Variants in DGKG observed in about 807,000 individuals in gnomAD.
DGKG encodes DAG kinase gamma.
Under a neutral mutation model 105.3 loss-of-function variants are expected in DGKG, and 78 were observed. The ratio of observed to expected loss-of-function variants is 0.74; its 90% CI spans 0.62 to 0.89. The LOEUF is 0.89. Among genes scored for constraint, DGKG ranks in the 40% least tolerant of loss-of-function variants. DGKG has a pLI of 0.00. For synonymous variants in DGKG, 346 were observed against 367.1 expected (o/e 0.94, Z 0.66); for missense variants, 958 against 1,020.1 (o/e 0.94, Z 0.83).
chr3:186,214,043 G>T (rs1356648763), intron 20 of DGKG, among the ~76,000 whole-genome samples: 1 of 152,200 alleles, frequency 6.6e-6, no homozygotes, highest in African/African-American at 2.4e-5. Context: ...AAATATCACT[G>T]CTGGCCTGAA....
At chr3:186,248,988 T>G (rs1244619148) in intron 19 of DGKG, among the ~76,000 whole-genome samples, 2 of 152,222 alleles carry the variant, frequency 1.3e-5, no homozygotes, top group African/African-American at 4.8e-5. Context: ...TTTTTTTAAC[T>G]GTAATGATGG....
chr3:186,268,563 C>G (rs1722165895), intron 12 of DGKG, among the ~76,000 whole-genome samples: 1 of 152,212 alleles, frequency 6.6e-6, no homozygotes. Context: ...GTGGACTGGC[C>G]AGCTTCTTCT....
intron 19 of DGKG, among the ~76,000 whole-genome samples, chr3:186,249,285 C>A (rs1721093360): frequency 6.6e-6 from 1 of 152,158 alleles, no homozygotes; most frequent in South Asian, 2.1e-4. Flanking sequence ...CACCTCCACC[C>A]TCTCAGAACC....
At chr3:186,312,683 G>A (rs184994517) in intron 2 of DGKG, among the ~76,000 whole-genome samples, 25 of 152,342 alleles carry the variant, frequency 1.6e-4, no homozygotes, top group Non-Finnish European at 3.2e-4. Flanking sequence ...AGGCTGGGAT[G>A]TAAGAATACA....
chr3:186,190,645 G>C (rs139263053), intron 21 of DGKG, among the ~76,000 whole-genome samples: 1 of 151,930 alleles, frequency 6.6e-6, no homozygotes, highest in African/African-American at 2.4e-5. Context: ...CCAGTTCTTC[G>C]CCATTCTGAA....
chr3:186,227,868 C>T lies in DGKG; in HGVS notation c.1826+14636G>A, dbSNP rs984892302. Among the ~76,000 whole-genome samples the T allele has an allele frequency of 3.3e-5, 5 of 152,270 alleles. No homozygotes were observed. The South Asian group carries it at 6.2e-4, about 19-fold the overall frequency. On this transcript the variant is annotated intron_variant, in intron 20 of 24. Coordinates refer to ENST00000265022, the MANE Select transcript of DGKG (RefSeq NM_001346.3). ...CATCAGCCGTAAATACAGATACAGACTCTGTTGTATCACCAAAATACCCTT... is the reference window on the plus strand; with the variant it reads ...CATCAGCCGTAAATACAGATACAGATTCTGTTGTATCACCAAAATACCCTT...
Position 186,313,505 on chromosome 3 carries a change from G to A in DGKG, c.68-6528C>T, listed in dbSNP as rs145797023. On this transcript the variant is annotated intron_variant, in intron 2 of 24. Coordinates refer to ENST00000265022, the MANE Select transcript of DGKG (RefSeq NM_001346.3). ...TCCAAATAATTTGGCTTCATCAGTC[G>A]TATTTCAAGTGAAGGTGGAGGAATG... 6.2e-4 allele frequency: 615 copies of A among 985,246 alleles called. 1 individual carries two copies. The African/African-American group carries it at 9.6e-3, about 15-fold the overall frequency. 61.0% of individuals were successfully genotyped at this position (985,246 alleles called of 1,614,324 possible).
chr3:186,267,767 T>C lies in DGKG; in HGVS notation c.1127A>G (p.Lys376Arg). 1 of 1,613,744 alleles carries C rather than the reference T, an allele frequency of 6.2e-7. No individual in the cohort carries two copies. The highest frequency in any genetic ancestry group is 1.1e-5 in the South Asian group (1 of 91,060). The change falls in exon 13 of 25, where the codon AAA becomes AGA. Residue 376 changes from lysine (K) to arginine (R), a missense_variant. Physicochemically the swap from Lys to Arg is conservative, Grantham distance 26. This residue lies in a region of DGKG where 643 missense variants were observed against 619.5 expected (regional missense o/e 1.04). Transcript: ENST00000265022. Reference protein sequence around the residue: ...CVWCRMTFHRKCELSTLCDGG... With the variant: ...CVWCRMTFHRRCELSTLCDGG... ...GTCACACAACGTTGATAATTCACAT[T>C]TGCGGTGAAACTGGGGGGAGAAATG...
At chr3:186,348,515 G>A (rs922846714) in intron 1 of DGKG, among the ~76,000 whole-genome samples, 12 of 141,456 alleles carry the variant, frequency 8.5e-5, no homozygotes, top group Admixed American at 5.8e-4. Context: ...GCAGTGCTGT[G>A]ATCACGGCTC....
intron 24 of DGKG, among the ~76,000 whole-genome samples, chr3:186,153,082 T>C (rs1482108548): frequency 6.6e-6 from 1 of 150,780 alleles, no homozygotes; most frequent in Non-Finnish European, 1.5e-5. Context: ...GAAGTAAAAC[T>C]CAAATCTCTC....
At chr3:186,232,066 G>A (rs1720178164) in intron 20 of DGKG, among the ~76,000 whole-genome samples, 1 of 152,294 alleles carries the variant, frequency 6.6e-6, no homozygotes, top group South Asian at 2.1e-4. Flanking sequence ...GTGTTGAAAG[G>A]ATAAAATATT....
At chr3:186,152,887 C>T (rs1173450445) in intron 24 of DGKG, among the ~76,000 whole-genome samples, 1 of 151,550 alleles carries the variant, frequency 6.6e-6, no homozygotes, top group East Asian at 1.9e-4. Flanking sequence ...TGGTCTCGAT[C>T]TCCTGACCTC....
At chr3:186,316,254 C>T (rs1724814650) in intron 2 of DGKG, among the ~76,000 whole-genome samples, 1 of 152,194 alleles carries the variant, frequency 6.6e-6, no homozygotes, top group Non-Finnish European at 1.5e-5. Context: ...TGTTTCAGCA[C>T]ACAAGTTTTG....
Position 186,284,985 on chromosome 3 carries a change from A to G in DGKG, c.545-276T>C, listed in dbSNP as rs1185368565. On this transcript the variant is annotated intron_variant, in intron 6 of 24. Transcript: ENST00000265022. This position sits in a 1 kb window ranked among gnomAD's most constrained non-coding sequence, Gnocchi z 4.0. ...GTAATTCCCTGGGGAGCATGAACACATTTCAGCGTCACTAGAACACAACCT... is the reference window on the plus strand; with the variant it reads ...GTAATTCCCTGGGGAGCATGAACACGTTTCAGCGTCACTAGAACACAACCT... Among the ~76,000 whole-genome samples, 1 of 152,182 alleles carries G rather than the reference A, an allele frequency of 6.6e-6. No homozygotes were observed. Among genetic ancestry groups the G allele is most frequent in the Admixed American group, 6.5e-5 (1 of 15,278 alleles).
chr3:186,201,664 T>C (rs116430534), intron 21 of DGKG, among the ~76,000 whole-genome samples: 6,009 of 152,270 alleles, frequency 0.039, 217 homozygotes, highest in East Asian at 0.11. Flanking sequence ...TGCAGCAAGG[T>C]GGGCCCCTTT....
In DGKG at chr3:186,284,733, C is replaced by T. The variant is rs201692467; in HGVS notation, c.545-24G>A. On this transcript the variant is annotated intron_variant, in intron 6 of 24. Transcript: ENST00000265022. The surrounding 1 kb of genome is among the most constrained non-coding windows in gnomAD (Gnocchi z 4.0). ...GACTGTAAGAAACACAGAGGTAAGC[C>T]TTGAGGTGTCCTCTAAGAAGCGCGG... 7 of 1,610,260 alleles carry T rather than the reference C, an allele frequency of 4.3e-6. No homozygotes were observed. In the Admixed American group the frequency reaches 6.7e-5, roughly 15 times the overall value.
intron 23 of DGKG, 60 bp from the exon 24 acceptor site, chr3:186,161,723 A>G: frequency 1.9e-6 from 3 of 1,612,750 alleles, no homozygotes; most frequent in Non-Finnish European, 2.5e-6. Context: ...AATCAAGGTT[A>G]TTCCCACCAG....
intron 1 of DGKG, among the ~76,000 whole-genome samples, chr3:186,327,571 A>AT (rs548717635): frequency 1.3e-3 from 191 of 142,874 alleles, no homozygotes; most frequent in Middle Eastern, 3.7e-3. Flanking sequence ...TGACCTGCTA[A>AT]TTTTTTTTTT....
chr3:186,149,742 A>T lies in DGKG; in HGVS notation c.*348T>A. 1.9e-6 allele frequency: 2 copies of T among 1,037,816 alleles called. No individual in the cohort carries two copies. The highest frequency in any genetic ancestry group is 2.3e-6 in the Non-Finnish European group (2 of 862,120). 64.3% of individuals were successfully genotyped at this position (1,037,816 alleles called of 1,614,324 possible). A position where few individuals can be genotyped will look rare whatever the true frequency, so the allele number is the denominator to read the frequency against. On this transcript the variant is annotated 3_prime_UTR_variant, in exon 25 of 25. Coordinates refer to ENST00000265022, the MANE Select transcript of DGKG (RefSeq NM_001346.3). Reference sequence around the variant, plus strand: ...CGCGAGCGTCCATGAGGAAACTTGCAGGGCTGGTAGAAAGAAAGGGGGATT... The same window carrying T: ...CGCGAGCGTCCATGAGGAAACTTGCTGGGCTGGTAGAAAGAAAGGGGGATT...
Sources: gnomAD v4.1 joint callset for allele counts (sites outside exome capture counted in the v4.1 genomes callset) on GRCh38, gnomAD v4.1.1 for gene constraint, gnomAD v4.1.1 regional missense constraint, Gnocchi (gnomAD v3.1) non-coding constraint, MANE v1.5 for transcripts, NCBI Gene and HGNC (gene_info 2026-07-23, HGNC 2026-07-21) for gene names.